CIMAP2: variants seen among roughly 807,000 people sequenced by gnomAD.
CIMAP2 encodes ciliary microtubule-associated protein 2.
chr1:54,812,086 A>C, the CIMAP2 span: 1 of 1,614,036 alleles, frequency 6.2e-7, no homozygotes, highest in African/African-American at 1.3e-5. Context: ...TTCAAAAGCG[A>C]CCTTGAGACA....
chr1:54,811,775 C>CGGGGGGCG, the CIMAP2 span: 1 of 484,774 alleles, frequency 2.1e-6, no homozygotes, highest in Non-Finnish European at 4.0e-6. Context: ...GCCTCCATGC[C>CGGGGGGCG]CCCACCCCCG....
the CIMAP2 span, chr1:54,807,424 T>C: frequency 7.3e-7 from 1 of 1,368,682 alleles, no homozygotes; most frequent in Non-Finnish European, 9.7e-7. Flanking sequence ...GGGGATTGCC[T>C]ACTCCCTTCC....
the CIMAP2 span, among the ~76,000 whole-genome samples, chr1:54,837,351 C>T: frequency 6.6e-5 from 10 of 152,164 alleles, no homozygotes; most frequent in South Asian, 2.1e-4. Context: ...TGGTGAACAT[C>T]GGGAGAAGAT....
chr1:54,837,989 G>C, the CIMAP2 span, among the ~76,000 whole-genome samples: 1 of 152,044 alleles, frequency 6.6e-6, no homozygotes, highest in Non-Finnish European at 1.5e-5. Flanking sequence ...GTGTATTGGA[G>C]TGGGAGAGAG....
the CIMAP2 span, among the ~76,000 whole-genome samples, chr1:54,826,752 C>T: frequency 6.6e-6 from 1 of 152,246 alleles, no homozygotes; most frequent in African/African-American, 2.4e-5. Context: ...GGACTTTTTC[C>T]TGGCTCTGAG....
the CIMAP2 span, among the ~76,000 whole-genome samples, chr1:54,837,416 A>C: frequency 2.7e-4 from 41 of 152,226 alleles, no homozygotes; most frequent in African/African-American, 9.9e-4. Flanking sequence ...TGAGCTACTA[A>C]GCACAACTCT....
chr1:54,820,118 CTTTCTTTCTT>C, the CIMAP2 span, among the ~76,000 whole-genome samples: 16 of 70,710 alleles, frequency 2.3e-4, no homozygotes, highest in Non-Finnish European at 2.9e-4. Context: ...CTCTCTCTTT[CTTTCTTTCTT>C]TCTTTCTTTC....
the CIMAP2 span, among the ~76,000 whole-genome samples, chr1:54,808,575 A>T: frequency 8.1e-6 from 1 of 123,538 alleles, no homozygotes. Flanking sequence ...AGGGCCCTGC[A>T]GCCAAGGTGG....
chr1:54,813,501 C>T, the CIMAP2 span, among the ~76,000 whole-genome samples: 1 of 152,208 alleles, frequency 6.6e-6, no homozygotes, highest in South Asian at 2.1e-4. Context: ...TAGAATAGTG[C>T]CAGACTCAAT....
the CIMAP2 span, among the ~76,000 whole-genome samples, chr1:54,823,648 C>T: frequency 6.6e-6 from 1 of 152,260 alleles, no homozygotes; most frequent in African/African-American, 2.4e-5. Context: ...TTCCTTTCTT[C>T]CTCTTTTATT....
the CIMAP2 span, among the ~76,000 whole-genome samples, chr1:54,819,926 CCAT>C: frequency 0.013 from 1,408 of 105,076 alleles, 20 homozygotes; most frequent in Non-Finnish European, 0.018. Flanking sequence ...TCCCTCCCCC[CCAT>C]ATTTCTTTTC....
the CIMAP2 span, among the ~76,000 whole-genome samples, chr1:54,825,762 C>T: frequency 8.5e-5 from 13 of 152,130 alleles, 1 homozygote; most frequent in Non-Finnish European, 5.9e-5. Context: ...TGCATGGCAT[C>T]GGTGGTGACA....
the CIMAP2 span, chr1:54,811,856 G>A: frequency 6.3e-7 from 1 of 1,596,676 alleles, no homozygotes; most frequent in Non-Finnish European, 8.5e-7. Context: ...AGCTGGAGGA[G>A]AATGCCTGGA....
At chr1:54,813,928 A>G in the CIMAP2 span, 7 of 1,613,150 alleles carry the variant, frequency 4.3e-6, no homozygotes, top group South Asian at 1.1e-5. Flanking sequence ...GAAAACCCCT[A>G]CAGAGAGGAT....
At chr1:54,819,221 C>T in the CIMAP2 span, among the ~76,000 whole-genome samples, 1 of 152,184 alleles carries the variant, frequency 6.6e-6, no homozygotes, top group Non-Finnish European at 1.5e-5. Context: ...GGAGACTGGG[C>T]TGTCTCATTC....
At chr1:54,824,653 T>C in the CIMAP2 span, among the ~76,000 whole-genome samples, 1 of 149,142 alleles carries the variant, frequency 6.7e-6, no homozygotes, top group Non-Finnish European at 1.5e-5. Flanking sequence ...TTCTGCTTGA[T>C]GTAGTGTATT....
chr1:54,818,524 G>A, the CIMAP2 span, among the ~76,000 whole-genome samples: 1 of 151,798 alleles, frequency 6.6e-6, no homozygotes, highest in Non-Finnish European at 1.5e-5. Context: ...TTCTTTTGCT[G>A]TGGATTGCTC....
At chr1:54,815,175 G>T in the CIMAP2 span, 1 of 1,297,454 alleles carries the variant, frequency 7.7e-7, no homozygotes, top group Non-Finnish European at 1.1e-6. Context: ...CAAGGGACCT[G>T]AGGTCCACTC....
At chr1:54,842,059 CG>C in the CIMAP2 span, 1 of 624,488 alleles carries the variant, frequency 1.6e-6, no homozygotes, top group Non-Finnish European at 2.8e-6. Flanking sequence ...CAGTGTCTTC[CG>C]GGACAGCTGG....
Sources: gnomAD v4.1 joint callset for allele counts (sites outside exome capture counted in the v4.1 genomes callset) on GRCh38, gnomAD v4.1.1 for gene constraint, MANE v1.5 for transcripts, NCBI Gene and HGNC (gene_info 2026-07-23, HGNC 2026-07-21) for gene names.